The following TRIM61 variants were observed in gnomAD, a reference collection of about 807,000 sequenced individuals.
TRIM61 encodes putative tripartite motif-containing protein 61.
In TRIM61, 1 loss-of-function variant was observed where a neutral mutation model predicts 14.2. That is an observed-to-expected ratio of 0.07 (90% CI 0.03 to 0.33). TRIM61 has a LOEUF of 0.33. Among genes scored for constraint, TRIM61 ranks in the 10% least tolerant of loss-of-function variants. TRIM61 has a pLI of 0.99. For missense variants in TRIM61, 19 were observed against 202.2 expected, an observed-to-expected ratio of 0.09 and a Z score of 5.49; for synonymous variants, 8 against 71.6, an observed-to-expected ratio of 0.11 and a Z score of 4.49.
In TRIM61 at chr4:164,970,037, C is replaced by A. The variant is rs1200455534; in HGVS notation, c.-35G>T. Reference sequence around the variant, plus strand: ...AACAAAGATGGTAGGTAAGGTAATTCTTTTATTTTAGCAAGGCCTAGCTCT... The same window carrying A: ...AACAAAGATGGTAGGTAAGGTAATTATTTTATTTTAGCAAGGCCTAGCTCT... On this transcript the variant is annotated 5_prime_UTR_variant, in exon 3 of 5. Coordinates refer to ENST00000329314, the MANE Select transcript of TRIM61 (RefSeq NM_001012414.3). 2 of 1,613,320 alleles carry A rather than the reference C, an allele frequency of 1.2e-6. No homozygotes were observed. The highest frequency in any genetic ancestry group is 1.3e-5 in the African/African-American group (1 of 74,948).
At chr4:164,965,803 T>A (rs1325399478) in intron 3 of TRIM61, among the ~76,000 whole-genome samples, 3 of 143,706 alleles carry the variant, frequency 2.1e-5, no homozygotes, top group Non-Finnish European at 3.2e-5. Flanking sequence ...TAAAAATACA[T>A]AAGAGTGAAT....
intron 3 of TRIM61, among the ~76,000 whole-genome samples, chr4:164,966,725 C>A (rs1483615750): frequency 2.0e-5 from 3 of 151,926 alleles, no homozygotes; most frequent in Non-Finnish European, 4.4e-5. Flanking sequence ...CCAGCCTGGC[C>A]AACATGATGA....
intron 1 of TRIM61, among the ~76,000 whole-genome samples, 166 bp from the exon 2 acceptor site, chr4:164,976,991 C>T (rs970254631): frequency 2.0e-5 from 3 of 152,102 alleles, no homozygotes; most frequent in East Asian, 1.9e-4. Flanking sequence ...GGTGGCAATA[C>T]GTCTCTAGCT....
At chr4:164,975,937 A>G (rs1409492184) in intron 2 of TRIM61, among the ~76,000 whole-genome samples, 1 of 152,202 alleles carries the variant, frequency 6.6e-6, no homozygotes, top group Admixed American at 6.5e-5. Flanking sequence ...CCTTTGTTCA[A>G]TTCTGAAATA....
chr4:164,965,404 A>G (rs1438126809), intron 3 of TRIM61, among the ~76,000 whole-genome samples: 1 of 151,368 alleles, frequency 6.6e-6, no homozygotes, highest in African/African-American at 2.4e-5. Context: ...AAATCTATGT[A>G]ATGTATTGAT....
chr4:164,976,235 C>T (rs528871696), intron 2 of TRIM61, among the ~76,000 whole-genome samples: 6 of 152,318 alleles, frequency 3.9e-5, no homozygotes, highest in South Asian at 4.1e-4. Flanking sequence ...AGGCCGGTGC[C>T]GGTGCAGGTC....
rs114364160 is a variant in TRIM61, at chr4:164,971,714, T to C, written c.-337-1375A>G. ...TCAATCTTTCTGTAAGTTTGACACT[T>C]TCAAAACAAAAGTGAGGCAGAAAAA... On this transcript the variant is annotated intron_variant, in intron 2 of 4. Transcript: ENST00000329314. Among the ~76,000 whole-genome samples the C allele has an allele frequency of 5.5e-3, 836 of 152,264 alleles. 7 individuals are homozygous for C. The highest frequency in any genetic ancestry group is 0.019 in the African/African-American group (809 of 41,548).
In TRIM61 at chr4:164,957,454, G is replaced by C. The variant is rs78250286; in HGVS notation, c.526-2358C>G. 5.4e-3 allele frequency: 8,637 copies of C among 1,613,840 alleles called. 382 individuals are homozygous for C. The African/African-American group carries it at 0.1, about 19-fold the overall frequency. On this transcript the variant is annotated intron_variant, in intron 3 of 4. Coordinates refer to ENST00000329314, the MANE Select transcript of TRIM61 (RefSeq NM_001012414.3). ...TTGTGACAAGGACTAGAGGGTTTGG[G>C]TCTGCAGTGGGCTGGCTCCCGCTGG...
At chr4:164,974,299 CCTA>C (rs1732433785) in intron 2 of TRIM61, among the ~76,000 whole-genome samples, 1 of 152,206 alleles carries the variant, frequency 6.6e-6, no homozygotes, top group African/African-American at 2.4e-5. Flanking sequence ...AGAGAATTTT[CCTA>C]TACTAATTTT....
At chr4:164,962,389 T>TTTTGTGTG (rs1732155764) in intron 3 of TRIM61, among the ~76,000 whole-genome samples, 1 of 146,406 alleles carries the variant, frequency 6.8e-6, no homozygotes, top group African/African-American at 2.5e-5. Context: ...CCTGGCTAAT[T>TTTTGTGTG]TGTGTGTGTG....
At chr4:164,965,867 T>G (rs1251796228) in intron 3 of TRIM61, among the ~76,000 whole-genome samples, 1 of 149,916 alleles carries the variant, frequency 6.7e-6, no homozygotes, top group East Asian at 1.9e-4. Context: ...AATATCAGGA[T>G]AGACTAAAGA....
chr4:164,956,807 C>G (rs1049362883), intron 3 of TRIM61: 4 of 545,108 alleles, frequency 7.3e-6, no homozygotes, highest in Non-Finnish European at 9.5e-6. Context: ...CTTCAGAATG[C>G]AACTTTCTCA....
intron 3 of TRIM61, chr4:164,957,652 T>A: frequency 1.1e-6 from 1 of 894,280 alleles, no homozygotes; most frequent in Non-Finnish European, 1.7e-6. Context: ...AGGAAGAGAT[T>A]AAACTCTGAT....
chr4:164,955,620 G>GTGTTTATA (rs1731969631), intron 3 of TRIM61, among the ~76,000 whole-genome samples: 1 of 150,990 alleles, frequency 6.6e-6, no homozygotes, highest in African/African-American at 2.4e-5. Flanking sequence ...GTCTTTATTG[G>GTGTTTATA]TGTTTATATT....
intron 3 of TRIM61, chr4:164,957,078 C>A: frequency 1.3e-6 from 2 of 1,543,804 alleles, no homozygotes; most frequent in Admixed American, 2.0e-5. Context: ...GGACCCAGCG[C>A]CTGGAGAGCC....
At chr4:164,971,024 C>A (rs1002873399) in intron 2 of TRIM61, among the ~76,000 whole-genome samples, 1 of 152,030 alleles carries the variant, frequency 6.6e-6, no homozygotes, top group African/African-American at 2.4e-5. Flanking sequence ...CCACTGGAAC[C>A]CGGGAGGCAG....
At chr4:164,961,976 T>C (rs568901743) in intron 3 of TRIM61, among the ~76,000 whole-genome samples, 2 of 152,306 alleles carry the variant, frequency 1.3e-5, no homozygotes, top group African/African-American at 4.8e-5. Flanking sequence ...TTCTAGGCTA[T>C]AAACCTGTAC....
intron 2 of TRIM61, among the ~76,000 whole-genome samples, chr4:164,971,967 C>T (rs1246654799): frequency 6.6e-6 from 1 of 152,190 alleles, no homozygotes; most frequent in African/African-American, 2.4e-5. Flanking sequence ...CTGGCTCTGT[C>T]TTGGTGACCT....
At chr4:164,958,701 A>G (rs1732068267) in intron 3 of TRIM61, 1 of 166,738 alleles carries the variant, frequency 6.0e-6, no homozygotes, top group African/African-American at 2.4e-5. Flanking sequence ...CAATAATTCA[A>G]TGCTTCCCAC....
Sources: gnomAD v4.1 joint callset for allele counts (sites outside exome capture counted in the v4.1 genomes callset) on GRCh38, gnomAD v4.1.1 for gene constraint, MANE v1.5 for transcripts, NCBI Gene and HGNC (gene_info 2026-07-23, HGNC 2026-07-21) for gene names.